The following ADAMTS12 variants were observed in gnomAD, a reference collection of about 807,000 sequenced individuals.
The protein encoded by ADAMTS12 is ADAM metallopeptidase with thrombospondin type 1 motif 12, also known as A disintegrin and metalloproteinase with thrombospondin motifs 12.
ADAMTS12 carries 118 observed loss-of-function variants against 167.8 expected under a neutral mutation model. That is an observed-to-expected ratio of 0.70 (90% CI 0.61 to 0.82). The LOEUF is 0.82. Ranked by LOEUF, ADAMTS12 falls within the 40% of genes least tolerant of loss-of-function variation. The pLI, the probability that ADAMTS12 is intolerant of heterozygous loss-of-function variation, is 0.00. For missense variants in ADAMTS12, 1,916 were observed against 1,998.8 expected (o/e 0.96, Z 0.79); for synonymous variants, 704 against 716.9 (o/e 0.98, Z 0.29).
chr5:33,612,577 T>C (rs1738781452), intron 16 of ADAMTS12, among the ~76,000 whole-genome samples: 1 of 152,196 alleles, frequency 6.6e-6, no homozygotes, highest in Non-Finnish European at 1.5e-5. Flanking sequence ...AACTTGTACT[T>C]CATAGAAAGA....
chr5:33,622,309 A>C (rs1462891653), intron 14 of ADAMTS12, among the ~76,000 whole-genome samples: 2 of 152,204 alleles, frequency 1.3e-5, no homozygotes, highest in Non-Finnish European at 2.9e-5. Flanking sequence ...TTATCATAAT[A>C]TTAGAAGAAC....
chr5:33,740,623 C>T lies in ADAMTS12; in HGVS notation c.634+10781G>A, dbSNP rs959117088. ...TGCTATGTCCCACTCCAAGACACTG[C>T]GGGCACGCACCCAATCCTGACCCTC... On this transcript the variant is annotated intron_variant, in intron 3 of 23. Coordinates refer to ENST00000504830, the MANE Select transcript of ADAMTS12 (RefSeq NM_030955.4). 5.3e-5 allele frequency among the ~76,000 whole-genome samples: 8 copies of T among 152,160 alleles called. No individual in the cohort carries two copies. The East Asian group carries it at 9.7e-4, about 18-fold the overall frequency.
At chr5:33,712,220 A>G (rs1288094163) in intron 3 of ADAMTS12, among the ~76,000 whole-genome samples, 1 of 152,160 alleles carries the variant, frequency 6.6e-6, no homozygotes, top group Non-Finnish European at 1.5e-5. Flanking sequence ...TAATTGATCT[A>G]ACAAATAAAA....
chr5:33,854,488 T>C (rs921189768), intron 2 of ADAMTS12, among the ~76,000 whole-genome samples: 22 of 152,192 alleles, frequency 1.4e-4, no homozygotes, highest in African/African-American at 5.1e-4. Context: ...GAATCTGGCC[T>C]CTTTCCCCAG....
At chr5:33,887,229 C>A (rs1020765004) in intron 1 of ADAMTS12, among the ~76,000 whole-genome samples, 3 of 152,114 alleles carry the variant, frequency 2.0e-5, no homozygotes, top group African/African-American at 7.2e-5. Context: ...TAAGAGTATG[C>A]CGGCTTGGTC....
In ADAMTS12 at chr5:33,683,559, T is replaced by C. The variant is rs555250251; in HGVS notation, c.831+300A>G. On this transcript the variant is annotated intron_variant, in intron 4 of 23. Coordinates refer to ENST00000504830, the MANE Select transcript of ADAMTS12 (RefSeq NM_030955.4). ...TTTGCCTCAGTTTACTCCTTCGGTT[T>C]ACTAACATAAACTGATGAGACAAAG... Among the ~76,000 whole-genome samples the C allele has an allele frequency of 3.9e-5, 6 of 152,268 alleles. No individual in the cohort carries two copies. The East Asian group carries it at 5.8e-4, about 15-fold the overall frequency.
At chr5:33,528,584 T>C (rs1177172790) in intron 23 of ADAMTS12, among the ~76,000 whole-genome samples, 1 of 152,206 alleles carries the variant, frequency 6.6e-6, no homozygotes, top group Non-Finnish European at 1.5e-5. Flanking sequence ...TTTTTTCCAT[T>C]TCACAAATGA....
At chr5:33,830,683 T>C (rs568768583) in intron 2 of ADAMTS12, among the ~76,000 whole-genome samples, 1 of 152,020 alleles carries the variant, frequency 6.6e-6, no homozygotes, top group Non-Finnish European at 1.5e-5. Flanking sequence ...TCTCAGCTAC[T>C]TGGGAGGCTG....
In ADAMTS12 at chr5:33,523,680, A is replaced by G. The variant is rs1380584461; in HGVS notation, c.*3508T>C. 1 of 152,244 alleles carries G rather than the reference A, an allele frequency of 6.6e-6. No homozygotes were observed. The highest frequency in any genetic ancestry group is 1.9e-4 in the East Asian group (1 of 5,202). 9.4% of individuals were successfully genotyped at this position (152,244 alleles called of 1,614,324 possible). ...GCAGCACAGAGATGCAGGGAGGGCAATGGGCTGGGCCGTGTATGTCATACA... is the reference window on the plus strand; with the variant it reads ...GCAGCACAGAGATGCAGGGAGGGCAGTGGGCTGGGCCGTGTATGTCATACA... On this transcript the variant is annotated 3_prime_UTR_variant, in exon 24 of 24. Transcript: ENST00000504830.
chr5:33,572,498 C>G (rs1476177889), intron 19 of ADAMTS12, among the ~76,000 whole-genome samples: 1 of 150,374 alleles, frequency 6.7e-6, no homozygotes, highest in African/African-American at 2.5e-5. Flanking sequence ...AGACAAAAAC[C>G]ACATGACTAT....
At chr5:33,661,699 A>C (rs1741266018) in intron 6 of ADAMTS12, among the ~76,000 whole-genome samples, 1 of 152,252 alleles carries the variant, frequency 6.6e-6, no homozygotes, top group African/African-American at 2.4e-5. Flanking sequence ...CAGCAGATGC[A>C]GTTTATTAAC....
intron 17 of ADAMTS12, among the ~76,000 whole-genome samples, chr5:33,591,803 C>T (rs568008052): frequency 3.3e-5 from 5 of 152,054 alleles, no homozygotes; most frequent in African/African-American, 7.2e-5. Context: ...CATTTTTCGT[C>T]GTCACAAATC....
intron 2 of ADAMTS12, among the ~76,000 whole-genome samples, chr5:33,825,474 A>G (rs1748031244): frequency 1.3e-5 from 2 of 152,208 alleles, no homozygotes. Context: ...TAAGAGCTGC[A>G]TGAATGTTGC....
chr5:33,554,538 A>C (rs1745403490), intron 20 of ADAMTS12, among the ~76,000 whole-genome samples: 3 of 152,294 alleles, frequency 2.0e-5, no homozygotes, highest in South Asian at 2.1e-4. Flanking sequence ...AAATGTAGGG[A>C]TACTCAGTGT....
chr5:33,649,925 G>C (rs1300080871), intron 7 of ADAMTS12, among the ~76,000 whole-genome samples: 1 of 152,160 alleles, frequency 6.6e-6, no homozygotes, highest in Non-Finnish European at 1.5e-5. Flanking sequence ...ATCCATGGGA[G>C]TCATGCAGCT....
At chr5:33,743,453 C>T (rs1744669058) in intron 3 of ADAMTS12, among the ~76,000 whole-genome samples, 1 of 152,148 alleles carries the variant, frequency 6.6e-6, no homozygotes, top group Admixed American at 6.5e-5. Context: ...ATTGGCTGGG[C>T]CTCAGGGCCT....
chr5:33,706,750 A>T (rs557122283), intron 3 of ADAMTS12, among the ~76,000 whole-genome samples: 23 of 152,344 alleles, frequency 1.5e-4, no homozygotes, highest in Middle Eastern at 3.4e-3. Context: ...ATAAAAGTCA[A>T]CACACCTTCA....
chr5:33,752,602 C>A (rs943869958), intron 2 of ADAMTS12, among the ~76,000 whole-genome samples: 1 of 152,200 alleles, frequency 6.6e-6, no homozygotes, highest in African/African-American at 2.4e-5. Flanking sequence ...TGCCATTAGG[C>A]TCTTTCTGGA....
intron 2 of ADAMTS12, among the ~76,000 whole-genome samples, chr5:33,800,540 C>T (rs867723185): frequency 2.0e-4 from 31 of 152,196 alleles, no homozygotes; most frequent in African/African-American, 7.2e-4. Flanking sequence ...ACAATTCTCA[C>T]AATTTGAAGG....
Sources: allele counts gnomAD v4.1 joint callset (sites outside exome capture counted in the v4.1 genomes callset), GRCh38; gene constraint gnomAD v4.1.1; transcripts MANE v1.5; gene names NCBI Gene and HGNC (gene_info 2026-07-23, HGNC 2026-07-21).